Variants in PIGL observed in about 807,000 individuals in gnomAD.
The protein encoded by PIGL is N-acetylglucosaminyl-phosphatidylinositol de-N-acetylase.
In PIGL, 22 loss-of-function variants were observed where a neutral mutation model predicts 31.1. That is an observed-to-expected ratio of 0.71 (90% confidence interval 0.51 to 1.01). PIGL has a LOEUF of 1.01. Among genes scored for constraint, PIGL ranks in the 50% least tolerant of loss-of-function variants. The probability of loss-of-function intolerance (pLI) is 0.00; values close to 1 mark genes in which losing one functional copy is unlikely to be tolerated. For missense variants in PIGL, 302 were observed against 315.9 expected (o/e 0.96, Z 0.33); for synonymous variants, 131 against 117.4 (o/e 1.12, Z -0.75).
chr17:16,264,986 A>G (rs2092836299), intron 2 of PIGL, among the ~76,000 whole-genome samples: 1 of 152,218 alleles, frequency 6.6e-6, no homozygotes, highest in Admixed American at 6.5e-5. Context: ...GAATAAAGAG[A>G]CAAACTTAGT....
intron 6 of PIGL, among the ~76,000 whole-genome samples, chr17:16,318,741 G>GC (rs1156538339): frequency 6.6e-6 from 1 of 150,756 alleles, no homozygotes; most frequent in African/African-American, 2.4e-5. Context: ...GACCAGCCTG[G>GC]CCAACATGTT....
intron 5 of PIGL, chr17:16,317,063 T>C (rs1403397035): frequency 9.2e-7 from 1 of 1,089,274 alleles, no homozygotes; most frequent in African/African-American, 1.6e-5. Context: ...GGGTGCTTGA[T>C]GAACCAATCT....
intron 2 of PIGL, among the ~76,000 whole-genome samples, chr17:16,255,947 C>T (rs887397812): frequency 2.6e-5 from 4 of 151,910 alleles, no homozygotes; most frequent in African/African-American, 9.7e-5. Flanking sequence ...AAAGCTGCTT[C>T]GATACTACTT....
intron 2 of PIGL, among the ~76,000 whole-genome samples, chr17:16,293,883 T>C (rs765774443): frequency 2.6e-5 from 4 of 152,102 alleles, no homozygotes; most frequent in Non-Finnish European, 5.9e-5. Flanking sequence ...GTCTAAGCTA[T>C]AGTTGGTAGA....
In PIGL at chr17:16,299,972, C is replaced by T. The variant is rs374713933; in HGVS notation, c.420C>T (p.Ile140=). The part of the protein sequence containing the change: ...VLLQHIEVNG[I]NLVVTFDAGG... ...TTCAGCACATAGAAGTGAATGGCAT[C>T]AATCTGGTAAGGGGGCAGCTCCCTG... The change falls in exon 3 of 7, where the codon ATC becomes ATT. Residue 140 remains isoleucine, a synonymous_variant. Coordinates refer to ENST00000225609, the MANE Select transcript of PIGL (RefSeq NM_004278.4). 96 of 1,612,240 alleles carry T rather than the reference C, an allele frequency of 6.0e-5. No homozygotes were observed. In the East Asian group the frequency reaches 1.2e-3, roughly 21 times the overall value.
intron 2 of PIGL, among the ~76,000 whole-genome samples, chr17:16,292,834 C>T (rs1049266768): frequency 6.6e-6 from 1 of 152,162 alleles, no homozygotes; most frequent in Non-Finnish European, 1.5e-5. Context: ...TGGCTTCATA[C>T]CTAAGATTAC....
intron 2 of PIGL, among the ~76,000 whole-genome samples, chr17:16,294,271 G>T (rs927718803): frequency 3.9e-5 from 6 of 152,318 alleles, no homozygotes; most frequent in African/African-American, 1.4e-4. Context: ...CTCGGGTTCT[G>T]TGTCATCCTA....
At chr17:16,220,552 G>A (rs1226905438) in intron 1 of PIGL, among the ~76,000 whole-genome samples, 2 of 131,396 alleles carry the variant, frequency 1.5e-5, no homozygotes, top group African/African-American at 2.9e-5. Context: ...GCAGTGGTTC[G>A]ATCTTGGCTC....
rs199746775 is a variant in PIGL, at chr17:16,320,202, AAAGGAAGGAAGGAAGGAAGGAAGGAAGG to A, written c.660+2317_660+2344del. ...AGAGAAGGAGAGAGTGAGAGAAAGA[AAAGGAAGGAAGGAAGGAAGGAAGGAAGG>A]AAGGAAGGAAGGAAGGAAGGAAAGG... On this transcript the variant is annotated intron_variant, in intron 6 of 6. Coordinates refer to ENST00000225609, the MANE Select transcript of PIGL (RefSeq NM_004278.4). Among the ~76,000 whole-genome samples, 17 of 63,332 alleles carry A rather than the reference AAAGGAAGGAAGGAAGGAAGGAAGGAAGG, an allele frequency of 2.7e-4. 1 individual carries two copies. The highest frequency in any genetic ancestry group is 7.8e-4 in the African/African-American group (12 of 15,358). The allele number at this position is 63,332 out of a possible 152,430, so 41.5% of individuals were successfully genotyped here. A position where few individuals can be genotyped will look rare whatever the true frequency, so the allele number is the denominator to read the frequency against.
intron 2 of PIGL, among the ~76,000 whole-genome samples, chr17:16,287,310 C>T (rs957740757): frequency 6.6e-6 from 1 of 152,248 alleles, no homozygotes; most frequent in Non-Finnish European, 1.5e-5. Flanking sequence ...ATACTTCCTT[C>T]TTTATCTTCC....
chr17:16,225,375 G>C (rs117899263), intron 1 of PIGL, among the ~76,000 whole-genome samples: 1 of 146,850 alleles, frequency 6.8e-6, no homozygotes, highest in Non-Finnish European at 1.5e-5. Context: ...TTAAATGTAA[G>C]CACGTTTCTT....
intron 2 of PIGL, chr17:16,282,053 A>G (rs762378499): frequency 1.9e-6 from 1 of 519,894 alleles, no homozygotes; most frequent in South Asian, 1.4e-5. Flanking sequence ...AACTCACCAT[A>G]GTGGTGGACT....
intron 6 of PIGL, among the ~76,000 whole-genome samples, chr17:16,320,327 C>A (rs528597529): frequency 3.5e-5 from 3 of 85,586 alleles, no homozygotes; most frequent in Non-Finnish European, 6.5e-5. Flanking sequence ...GGAAGGGAAG[C>A]GAAGGAAGGA....
chr17:16,319,356 T>G (rs544638744), intron 6 of PIGL, among the ~76,000 whole-genome samples: 11 of 152,290 alleles, frequency 7.2e-5, no homozygotes, highest in Non-Finnish European at 1.0e-4. Context: ...CACGAATCCC[T>G]TACTGTTAGA....
At chr17:16,274,024 TACTC>T (rs1237882231) in intron 2 of PIGL, among the ~76,000 whole-genome samples, 1 of 152,202 alleles carries the variant, frequency 6.6e-6, no homozygotes, top group African/African-American at 2.4e-5. Context: ...ATGGCCGTGA[TACTC>T]ACAGGGCGTG....
chr17:16,277,385 C>T (rs1170992945), intron 2 of PIGL, among the ~76,000 whole-genome samples: 5 of 152,126 alleles, frequency 3.3e-5, no homozygotes. Flanking sequence ...CAGAGAGAAA[C>T]AAATATGCTT....
At chr17:16,228,425 C>T (rs2092662895) in intron 1 of PIGL, among the ~76,000 whole-genome samples, 1 of 152,024 alleles carries the variant, frequency 6.6e-6, no homozygotes, top group African/African-American at 2.4e-5. Context: ...TGCTCTGTCG[C>T]CCAGGCTGGA....
chr17:16,271,301 T>C (rs1406057955), intron 2 of PIGL, among the ~76,000 whole-genome samples: 2 of 152,196 alleles, frequency 1.3e-5, no homozygotes, highest in Admixed American at 1.3e-4. Flanking sequence ...GGCAGGCACA[T>C]TCATGCTCTG....
At chr17:16,290,419 G>T (rs2092955589) in intron 2 of PIGL, among the ~76,000 whole-genome samples, 1 of 151,088 alleles carries the variant, frequency 6.6e-6, no homozygotes, top group African/African-American at 2.4e-5. Context: ...TTGAGACAGG[G>T]TCTCATTCTG....
Sources: allele counts gnomAD v4.1 joint callset (sites outside exome capture counted in the v4.1 genomes callset), GRCh38; gene constraint gnomAD v4.1.1; transcripts MANE v1.5; gene names NCBI Gene and HGNC (gene_info 2026-07-23, HGNC 2026-07-21).